SPAG4: variants seen among roughly 807,000 people sequenced by gnomAD.
SPAG4 encodes the protein sperm-associated antigen 4 protein.
Under a neutral mutation model 53.9 loss-of-function variants are expected in SPAG4, and 54 were observed. The ratio of observed to expected loss-of-function variants is 1.00; its 90% CI spans 0.80 to 1.26. The LOEUF is 1.26. SPAG4 is among the 50% of genes most tolerant of loss of function. The pLI is 0.00. For synonymous variants in SPAG4, 246 were observed against 237.4 expected, an observed-to-expected ratio of 1.04 and a Z score of -0.33; for missense variants, 548 against 568.6, an observed-to-expected ratio of 0.96 and a Z score of 0.37.
intron 10 of SPAG4, 77 bp downstream of exon 10, chr20:35,619,823 C>CT (rs2031517803): frequency 6.9e-7 from 1 of 1,443,344 alleles, no homozygotes; most frequent in South Asian, 1.3e-5. Flanking sequence ...GTGCCGTTAT[C>CT]TGAGTCTTCG....
chr20:35,617,277 C>T, intron 2 of SPAG4, 37 bp downstream of exon 2: 1 of 1,432,364 alleles, frequency 7.0e-7, no homozygotes, highest in Non-Finnish European at 9.6e-7. Context: ...CTCTGACCCT[C>T]GGGTTCCCCT....
In SPAG4 at chr20:35,617,245, G is replaced by C. The variant is rs200384799; in HGVS notation, c.409+5G>C. ...GGGTGTTCAAGAGCTTTCTGAGTAC[G>C]GGCCAGGCCAGCTGCGATCCCCTCT... On this transcript the variant is annotated splice_donor_5th_base_variant and intron_variant, in intron 2 of 11. Transcript: ENST00000374273. 2.2e-5 allele frequency: 34 copies of C among 1,579,754 alleles called. No homozygotes were observed. The highest frequency in any genetic ancestry group is 1.6e-4 in the Admixed American group (9 of 56,932).
intron 10 of SPAG4, 29 bp downstream of exon 10, chr20:35,619,775 G>A (rs2031516560): frequency 6.3e-7 from 1 of 1,588,140 alleles, no homozygotes; most frequent in African/African-American, 1.3e-5. Context: ...AGGAGGTGGG[G>A]GATTTTGCCT....
At chr20:35,618,835 C>T (rs1167913315) in intron 7 of SPAG4, 88 bp from the exon 8 acceptor site, 5 of 1,472,206 alleles carry the variant, frequency 3.4e-6, no homozygotes, top group Non-Finnish European at 9.5e-7. Flanking sequence ...AAGTCCATCC[C>T]AAAGCAACCA....
chr20:35,620,350 T>A (rs764253464), intron 10 of SPAG4, among the ~76,000 whole-genome samples: 2 of 152,164 alleles, frequency 1.3e-5, no homozygotes, highest in Non-Finnish European at 2.9e-5. Flanking sequence ...GAGGGGAAGT[T>A]ATTTTTCCAA....
At position 35,616,063 on chromosome 20, in the gene SPAG4, T is replaced by C; in HGVS notation, c.60T>C (p.Phe20=). The change falls in exon 1 of 12, where the codon TTT becomes TTC. Residue 20 remains phenylalanine (F), a synonymous_variant. Coordinates refer to ENST00000374273, the MANE Select transcript of SPAG4 (RefSeq NM_003116.3). The part of the protein sequence containing the change: ...ASSSRKHTPN[F]FSENSSMSIT... Reference sequence around the variant, plus strand: ...CCTCGCGCAAGCACACGCCCAACTTTTTCAGCGAGAACAGCTCAATGAGCA... The same window carrying C: ...CCTCGCGCAAGCACACGCCCAACTTCTTCAGCGAGAACAGCTCAATGAGCA... 6.2e-7 allele frequency: 1 copy of C among 1,612,712 alleles called. No individual in the cohort carries two copies.
At chr20:35,619,479 C>T in intron 9 of SPAG4, 100 bp from the exon 10 acceptor site, 9 of 1,513,298 alleles carry the variant, frequency 5.9e-6, no homozygotes, top group Non-Finnish European at 8.2e-6. Context: ...AGGTGGAGCT[C>T]TGGGCGGGTC....
rs762201354 is a variant in SPAG4, at chr20:35,618,902, C to T, written c.718-21C>T. The T allele has an allele frequency of 2.5e-6, 4 of 1,611,694 alleles. No homozygotes were observed. In the Admixed American group the frequency reaches 6.7e-5, roughly 27 times the overall value. On this transcript the variant is annotated intron_variant, in intron 7 of 11. Transcript: ENST00000374273. Reference sequence around the variant, plus strand: ...AGCCCGCAAGCCTCGCCCCTCCAGGCCTCGCCCTCCCTCCTTGCAGAGAGT... The same window carrying T: ...AGCCCGCAAGCCTCGCCCCTCCAGGTCTCGCCCTCCCTCCTTGCAGAGAGT...
intron 1 of SPAG4, chr20:35,616,526 C>T (rs2031387822): frequency 2.3e-5 from 8 of 342,882 alleles, no homozygotes; most frequent in Non-Finnish European, 3.3e-5. Flanking sequence ...TTGGGTGCCA[C>T]TGAGGGGGCG....
rs2031374968 is a variant in SPAG4, at chr20:35,616,305, C to T, written c.302C>T (p.Ser101Leu). ...CGAATVRGGA[S>L]EPTGSPVVSE... Reference sequence around the variant, plus strand: ...GCGGCAACCGTGAGGGGCGGGGCCTCGGGTGCGGGCGGGGTCGACCCCGGG... The same window carrying T: ...GCGGCAACCGTGAGGGGCGGGGCCTTGGGTGCGGGCGGGGTCGACCCCGGG... The change falls in exon 1 of 12, where the codon TCG becomes TTG. Residue 101 changes from serine to leucine, a missense_variant and splice_region_variant. Ser to Leu is a moderately radical substitution (Grantham distance 145, BLOSUM62 -2). Coordinates refer to ENST00000374273, the MANE Select transcript of SPAG4 (RefSeq NM_003116.3). The T allele has an allele frequency of 5.4e-6, 6 of 1,106,926 alleles. No individual in the cohort carries two copies. Among genetic ancestry groups the T allele is most frequent in the Non-Finnish European group, 5.6e-6 (5 of 897,716 alleles). 68.6% of individuals were successfully genotyped at this position (1,106,926 alleles called of 1,614,324 possible).
Position 35,619,241 on chromosome 20 carries a change from G to A in SPAG4, c.840G>A (p.Arg280=). Residue 280 remains arginine, a synonymous_variant, in exon 9 of 12, where the codon AGG becomes AGA. Coordinates refer to ENST00000374273, the MANE Select transcript of SPAG4 (RefSeq NM_003116.3). The part of the protein sequence containing the change: ...LQKTSHDYAD[R]NTAYFWNRFS... ...AGACATCCCACGATTACGCAGACAG[G>A]AACACTGCCTACTTCTGGAATCGCT... The A allele has an allele frequency of 6.2e-7, 1 of 1,614,024 alleles. No individual in the cohort carries two copies. Among genetic ancestry groups the A allele is most frequent in the African/African-American group, 1.3e-5 (1 of 75,006 alleles).
intron 8 of SPAG4, 78 bp from the exon 9 acceptor site, chr20:35,619,116 GC>G (rs2031486165): frequency 6.3e-6 from 3 of 473,988 alleles, no homozygotes; most frequent in Non-Finnish European, 9.9e-6. Flanking sequence ...GCCCCCACCC[GC>G]CCCCAGCCCC....
intron 10 of SPAG4, 52 bp from the exon 11 acceptor site, chr20:35,620,632 C>CCCCCCCCCCCCCCA: frequency 1.9e-6 from 1 of 540,216 alleles, no homozygotes; most frequent in Non-Finnish European, 3.5e-6. Context: ...CCCCGCCCCC[C>CCCCCCCCCCCCCCA]CCGCCCCACC....
chr20:35,617,554 C>G lies in SPAG4; in HGVS notation c.444C>G (p.Ser148=), dbSNP rs777825605. ...LLFQGLSVLL[S]LAGDVLVSMY... is the part of the protein sequence containing the mutation. Reference sequence around the variant, plus strand: ...TCCAGGGGCTGAGCGTGTTGTTATCCCTGGCAGGAGACGTGCTGGTCAGCA... The same window carrying G: ...TCCAGGGGCTGAGCGTGTTGTTATCGCTGGCAGGAGACGTGCTGGTCAGCA... Residue 148 remains serine, a synonymous_variant, in exon 3 of 12, where the codon TCC becomes TCG. Coordinates refer to ENST00000374273, the MANE Select transcript of SPAG4 (RefSeq NM_003116.3). 3.1e-6 allele frequency: 5 copies of G among 1,604,684 alleles called. No individual in the cohort carries two copies. The South Asian group carries it at 5.6e-5, about 18-fold the overall frequency.
At chr20:35,619,428 C>A in intron 9 of SPAG4, 118 bp downstream of exon 9, 2 of 1,381,092 alleles carry the variant, frequency 1.4e-6, no homozygotes, top group Non-Finnish European at 1.0e-6. Context: ...GCGTTTAACT[C>A]AAGGAGAGAC....
chr20:35,618,982 T>C lies in SPAG4; in HGVS notation c.777T>C (p.Tyr259=). 1 of 1,614,044 alleles carries C rather than the reference T, an allele frequency of 6.2e-7. No homozygotes were observed. The highest frequency in any genetic ancestry group is 1.1e-5 in the South Asian group (1 of 91,080). The change falls in exon 8 of 12, where the codon TAT becomes TAC. Residue 259 remains tyrosine (Y), a synonymous_variant. Transcript: ENST00000374273. ...AGGATTTTGTGCGGAAGCCCGACTA[T>C]GCTTTGAGCTCTGTGGGTAAGACCC... ...LNEDFVRKPD[Y]ALSSVGASID... is the part of the protein sequence containing the mutation.
intron 4 of SPAG4, 48 bp from the exon 5 acceptor site, chr20:35,618,039 C>G: frequency 6.3e-7 from 1 of 1,594,994 alleles, no homozygotes; most frequent in South Asian, 1.1e-5. Context: ...GCCGGGGAAA[C>G]CCATTCTCTT....
chr20:35,617,998 C>A (rs1203318949), intron 4 of SPAG4, 89 bp from the exon 5 acceptor site: 1 of 1,433,724 alleles, frequency 7.0e-7, no homozygotes, highest in South Asian at 1.2e-5. Flanking sequence ...CAGGCTTAAC[C>A]CCCTCAAGCC....
At chr20:35,620,588 A>T in intron 10 of SPAG4, 96 bp from the exon 11 acceptor site, 1 of 795,786 alleles carries the variant, frequency 1.3e-6, no homozygotes, top group South Asian at 1.4e-5. Context: ...ATAGCTATTG[A>T]ATACACAGAA....
Sources: allele counts gnomAD v4.1 joint callset (sites outside exome capture counted in the v4.1 genomes callset), GRCh38; gene constraint gnomAD v4.1.1; transcripts MANE v1.5; gene names NCBI Gene and HGNC (gene_info 2026-07-23, HGNC 2026-07-21).